The following WWP1 variants were observed in gnomAD, a reference collection of about 807,000 sequenced individuals.
The protein encoded by WWP1 is NEDD4-like E3 ubiquitin-protein ligase WWP1.
A neutral mutation model predicts 130.6 loss-of-function variants in WWP1; 49 were observed. That is an observed-to-expected ratio of 0.38 (90% CI 0.30 to 0.48). WWP1 has a LOEUF of 0.48. Ranked by LOEUF, WWP1 falls within the 20% of genes least tolerant of loss-of-function variation. The probability of loss-of-function intolerance (pLI) is 0.99; values close to 1 mark genes in which losing one functional copy is unlikely to be tolerated. For missense variants in WWP1, 809 were observed against 1,100.6 expected (o/e 0.74, Z 3.75); for synonymous variants, 332 against 367.8 (o/e 0.90, Z 1.11).
At chr8:86,421,197 G>T (rs1445195632) in intron 9 of WWP1, among the ~76,000 whole-genome samples, 5 of 152,146 alleles carry the variant, frequency 3.3e-5, no homozygotes, top group African/African-American at 1.2e-4. Context: ...AGTTTTTACA[G>T]TACTGAATAT....
rs1247553548 is a variant in WWP1, at chr8:86,431,443, G to T, written c.1425G>T (p.Val475=). 1 of 1,609,700 alleles carries T rather than the reference G, an allele frequency of 6.2e-7. No individual in the cohort carries two copies. Among genetic ancestry groups the T allele is most frequent in the East Asian group, 2.2e-5 (1 of 44,772 alleles). ...ATTCAACAGACAGGGTTTACTTTGT[G>T]AATCATAACACAAAAACAACCCAGT... ...RVDSTDRVYF[V]NHNTKTTQWE... The change falls in exon 13 of 25, where the codon GTG becomes GTT. Residue 475 remains valine (V), a synonymous_variant. Transcript: ENST00000517970.
chr8:86,401,019 T>TG (rs1236021546), intron 7 of WWP1, among the ~76,000 whole-genome samples: 1 of 152,012 alleles, frequency 6.6e-6, no homozygotes, highest in Non-Finnish European at 1.5e-5. Context: ...TTGTTTTTTT[T>TG]TTTTTTAAAC....
At position 86,427,767 on chromosome 8, in the gene WWP1, A is replaced by G; in HGVS notation, c.1282A>G (p.Asn428Asp). ...TTTTGAACAGTGGCAATCTCAGCGG[A>G]ACCAATTGCAGGGAGCTATGCAACA... ...RNFEQWQSQR[N>D]QLQGAMQQFN... Residue 428 changes from asparagine (N) to aspartate (D), a missense_variant, in exon 11 of 25, where the codon AAC becomes GAC. This residue lies in a region of WWP1 where 450 missense variants were observed against 674.2 expected (regional missense o/e 0.67). Coordinates refer to ENST00000517970, the MANE Select transcript of WWP1 (RefSeq NM_007013.4). 6.2e-7 allele frequency: 1 copy of G among 1,613,952 alleles called. No individual in the cohort carries two copies. The highest frequency in any genetic ancestry group is 8.5e-7 in the Non-Finnish European group (1 of 1,179,898).
chr8:86,371,185 C>A (rs72688571), intron 2 of WWP1, among the ~76,000 whole-genome samples: 8,224 of 151,874 alleles, frequency 0.054, 314 homozygotes, highest in Non-Finnish European at 0.086. Context: ...GCATGAGCCA[C>A]CGCCCCTACC....
At chr8:86,373,880 A>G (rs1824474839) in intron 2 of WWP1, 150 bp from the exon 3 acceptor site, 2 of 537,196 alleles carry the variant, frequency 3.7e-6, no homozygotes, top group African/African-American at 4.0e-5. Flanking sequence ...AACTAACTTT[A>G]GGGTTTTCTT....
At chr8:86,441,701 A>T (rs1027299282) in intron 17 of WWP1, among the ~76,000 whole-genome samples, 2 of 152,234 alleles carry the variant, frequency 1.3e-5, no homozygotes, top group Non-Finnish European at 2.9e-5. Context: ...GAGGACTACG[A>T]TAATATGCCT....
intron 17 of WWP1, among the ~76,000 whole-genome samples, chr8:86,439,246 G>A (rs1810466029): frequency 6.6e-6 from 1 of 150,622 alleles, no homozygotes; most frequent in Non-Finnish European, 1.5e-5. Context: ...GGGAGGGTAA[G>A]GCAGGAGAAT....
At position 86,372,017 on chromosome 8, in the gene WWP1, ATTTTTTTTTTT is replaced by A. The variant is rs34458424; in HGVS notation, c.-21-1999_-21-1989del. On this transcript the variant is annotated intron_variant, in intron 2 of 24. Transcript: ENST00000517970. ...ACCACCACGCCTGGCTAATTTTTGTATTTTTTTTTTTTTTTTTTTTTTTTGAGACGGAGTTT... is the reference window on the plus strand; with the variant it reads ...ACCACCACGCCTGGCTAATTTTTGTATTTTTTTTTTTTTGAGACGGAGTTT... Among the ~76,000 whole-genome samples the A allele has an allele frequency of 2.8e-3, 198 of 70,206 alleles. 1 individual carries two copies. The highest frequency in any genetic ancestry group is 0.024 in the Middle Eastern group (2 of 84). 46.1% of individuals were successfully genotyped at this position (70,206 alleles called of 152,430 possible).
intron 9 of WWP1, among the ~76,000 whole-genome samples, chr8:86,424,624 G>A (rs1465691835): frequency 1.3e-5 from 2 of 151,860 alleles, no homozygotes; most frequent in African/African-American, 2.4e-5. Flanking sequence ...CCAACACAGT[G>A]AAACCCCGTC....
intron 5 of WWP1, among the ~76,000 whole-genome samples, chr8:86,389,311 G>T (rs970582198): frequency 6.6e-6 from 1 of 152,128 alleles, no homozygotes; most frequent in Non-Finnish European, 1.5e-5. Context: ...GCGGCCTTCC[G>T]CAGTGTTTGT....
intron 8 of WWP1, among the ~76,000 whole-genome samples, chr8:86,402,918 T>A (rs1363434642): frequency 6.6e-6 from 1 of 152,212 alleles, no homozygotes; most frequent in Non-Finnish European, 1.5e-5. Flanking sequence ...GGCATCTAAC[T>A]TGGTGGAAAA....
Position 86,435,518 on chromosome 8 carries a change from T to C in WWP1, c.1668T>C (p.Tyr556=). 6.2e-7 allele frequency: 1 copy of C among 1,614,204 alleles called. No homozygotes were observed. Among genetic ancestry groups the C allele is most frequent in the Non-Finnish European group, 8.5e-7 (1 of 1,180,036 alleles). Residue 556 remains tyrosine, a synonymous_variant, in exon 15 of 25, where the codon TAT becomes TAC. Coordinates refer to ENST00000517970, the MANE Select transcript of WWP1 (RefSeq NM_007013.4). ...GFRWKLAHFR[Y]LCQSNALPSH... ...GGTGGAAGCTTGCTCACTTCCGTTA[T>C]TTGTGCCAGGTACTATAGTGGTAAA...
intron 21 of WWP1, 69 bp downstream of exon 21, chr8:86,452,748 A>G (rs1811243065): frequency 6.4e-7 from 1 of 1,566,692 alleles, no homozygotes; most frequent in Non-Finnish European, 8.7e-7. Context: ...GTGCTTTTAC[A>G]GAACAGTGTT....
intron 5 of WWP1, among the ~76,000 whole-genome samples, chr8:86,388,195 T>G (rs567313094): frequency 6.6e-6 from 1 of 151,076 alleles, no homozygotes; most frequent in Non-Finnish European, 1.5e-5. Context: ...CTTTCCTTCC[T>G]ACTTACTTTT....
intron 9 of WWP1, among the ~76,000 whole-genome samples, chr8:86,413,004 T>G (rs1808677282): frequency 6.6e-6 from 1 of 152,160 alleles, no homozygotes; most frequent in Non-Finnish European, 1.5e-5. Context: ...AATTTTTGTA[T>G]TTTTAGTAGA....
chr8:86,383,697 C>A (rs182376833), intron 5 of WWP1, among the ~76,000 whole-genome samples: 6 of 152,100 alleles, frequency 3.9e-5, no homozygotes, highest in Non-Finnish European at 8.8e-5. Context: ...ACTGAGATTG[C>A]GCCACTGCAC....
intron 1 of WWP1, among the ~76,000 whole-genome samples, chr8:86,365,302 G>T (rs1823909402): frequency 6.6e-6 from 1 of 152,118 alleles, no homozygotes; most frequent in South Asian, 2.1e-4. Flanking sequence ...GCACTGAAAG[G>T]AACTTTGAAA....
chr8:86,440,873 G>T, intron 17 of WWP1: 1 of 243,696 alleles, frequency 4.1e-6, no homozygotes, highest in South Asian at 4.5e-5. Context: ...CCTACGTTTT[G>T]CTGCTTCTAA....
At chr8:86,431,588 T>A in intron 13 of WWP1, 27 bp from the exon 14 acceptor site, 1 of 1,612,936 alleles carries the variant, frequency 6.2e-7, no homozygotes, top group Non-Finnish European at 8.5e-7. Flanking sequence ...AAAAGGTTCA[T>A]CTTGTGATTT....
Sources: gnomAD v4.1 joint callset for allele counts (sites outside exome capture counted in the v4.1 genomes callset) on GRCh38, gnomAD v4.1.1 for gene constraint, gnomAD v4.1.1 regional missense constraint, MANE v1.5 for transcripts, NCBI Gene and HGNC (gene_info 2026-07-23, HGNC 2026-07-21) for gene names.